The following SEMA5A variants were observed in gnomAD, a reference collection of about 807,000 sequenced individuals.
SEMA5A encodes semaphorin-5A.
SEMA5A carries 55 observed loss-of-function variants against 135.5 expected under a neutral mutation model. That is an observed-to-expected ratio of 0.41 (90% CI 0.33 to 0.51). The LOEUF is 0.51. SEMA5A is among the 20% of genes least tolerant of loss of function. SEMA5A has a pLI of 0.37. For missense variants in SEMA5A, 1,290 were observed against 1,419.9 expected, an observed-to-expected ratio of 0.91 and a Z score of 1.47; for synonymous variants, 580 against 546.5, an observed-to-expected ratio of 1.06 and a Z score of -0.85.
intron 16 of SEMA5A, among the ~76,000 whole-genome samples, chr5:9,090,616 T>G (rs530341899): frequency 6.6e-6 from 1 of 152,368 alleles, no homozygotes. Context: ...ATCTGAATGC[T>G]GCCAATGTGT....
chr5:9,244,398 A>G (rs1030878473), intron 5 of SEMA5A, among the ~76,000 whole-genome samples: 2 of 152,188 alleles, frequency 1.3e-5, no homozygotes, highest in Non-Finnish European at 2.9e-5. Context: ...CAAAGCAGAC[A>G]CATTCCCTAT....
chr5:9,362,344 C>T lies in SEMA5A; in HGVS notation c.124+17479G>A, dbSNP rs1327532725. Among the ~76,000 whole-genome samples the T allele has an allele frequency of 3.9e-5, 6 of 152,114 alleles. No individual in the cohort carries two copies. The East Asian group carries it at 9.7e-4, about 25-fold the overall frequency. On this transcript the variant is annotated intron_variant, in intron 3 of 22. Coordinates refer to ENST00000382496, the MANE Select transcript of SEMA5A (RefSeq NM_003966.3). The stretch of plus-strand genomic sequence containing the variant: ...AACTGTCCCTTTCTTGCTTTGGGGA[C>T]GCTATTTTTTAAATGCCATTATATG...
In SEMA5A at chr5:9,417,366, C is replaced by T. The variant is rs139360692; in HGVS notation, c.-78+20390G>A. 6.7e-3 allele frequency among the ~76,000 whole-genome samples: 1,023 copies of T among 152,264 alleles called. 12 individuals are homozygous for T. The highest frequency in any genetic ancestry group is 0.023 in the African/African-American group (971 of 41,538). On this transcript the variant is annotated intron_variant, in intron 2 of 22. Coordinates refer to ENST00000382496, the MANE Select transcript of SEMA5A (RefSeq NM_003966.3). ...ACCATATTTACGTGTGCACATTATC[C>T]ACTTTACTAACTTTTCTAAAATTTC...
intron 16 of SEMA5A, among the ~76,000 whole-genome samples, chr5:9,070,652 G>T (rs936963956): frequency 6.6e-6 from 1 of 152,194 alleles, no homozygotes; most frequent in East Asian, 1.9e-4. Context: ...GGTCCCAGAG[G>T]TGGGCACAGC....
chr5:9,073,127 C>G (rs1012109913), intron 16 of SEMA5A, among the ~76,000 whole-genome samples: 10 of 152,028 alleles, frequency 6.6e-5, no homozygotes, highest in African/African-American at 2.4e-4. Flanking sequence ...CAGACAAAGA[C>G]AGAAAGAAAG....
intron 3 of SEMA5A, among the ~76,000 whole-genome samples, chr5:9,368,938 T>C (rs1755023449): frequency 6.6e-6 from 1 of 152,254 alleles, no homozygotes; most frequent in Non-Finnish European, 1.5e-5. Context: ...GGACTTATTG[T>C]AAGTATATGT....
At chr5:9,308,203 G>A (rs936854813) in intron 5 of SEMA5A, among the ~76,000 whole-genome samples, 1 of 152,116 alleles carries the variant, frequency 6.6e-6, no homozygotes, top group Non-Finnish European at 1.5e-5. Flanking sequence ...TATGAAACAG[G>A]ACACTGTATC....
chr5:9,396,476 C>A (rs1036554842), intron 2 of SEMA5A, among the ~76,000 whole-genome samples: 1 of 152,080 alleles, frequency 6.6e-6, no homozygotes, highest in Non-Finnish European at 1.5e-5. Context: ...GTAAAGACAG[C>A]AAACAACACC....
intron 1 of SEMA5A, among the ~76,000 whole-genome samples, chr5:9,464,958 T>C (rs1759200603): frequency 6.6e-6 from 1 of 152,208 alleles, no homozygotes; most frequent in South Asian, 2.1e-4. Context: ...CTGTGGCTCG[T>C]GTTTCCTAGT....
chr5:9,200,605 G>C (rs1047158690), intron 9 of SEMA5A, among the ~76,000 whole-genome samples: 4 of 152,178 alleles, frequency 2.6e-5, no homozygotes, highest in Admixed American at 6.5e-5. Context: ...TGAAAATAAA[G>C]ATGGCCACGG....
chr5:9,269,776 A>G (rs558877925), intron 5 of SEMA5A, among the ~76,000 whole-genome samples: 5 of 152,142 alleles, frequency 3.3e-5, no homozygotes, highest in Non-Finnish European at 5.9e-5. Context: ...ATGAAATGTA[A>G]TAAATCTGCA....
chr5:9,223,420 C>A (rs1469426695), intron 8 of SEMA5A, among the ~76,000 whole-genome samples: 1 of 152,194 alleles, frequency 6.6e-6, no homozygotes, highest in African/African-American at 2.4e-5. Flanking sequence ...TAATTCCCCC[C>A]TCCCAGGGGG....
chr5:9,086,108 C>T (rs1738669911), intron 16 of SEMA5A, among the ~76,000 whole-genome samples: 1 of 152,182 alleles, frequency 6.6e-6, no homozygotes, highest in Non-Finnish European at 1.5e-5. Flanking sequence ...AACTAATTTC[C>T]TTTCAATTTT....
At chr5:9,469,472 G>A (rs1415666514) in intron 1 of SEMA5A, among the ~76,000 whole-genome samples, 2 of 152,158 alleles carry the variant, frequency 1.3e-5, no homozygotes, top group Non-Finnish European at 2.9e-5. Context: ...CTTCTATTAA[G>A]CAACCATAAA....
chr5:9,105,842 T>C (rs1739884913), intron 16 of SEMA5A, among the ~76,000 whole-genome samples: 1 of 152,246 alleles, frequency 6.6e-6, no homozygotes, highest in African/African-American at 2.4e-5. Context: ...GGACAAAGAT[T>C]TACGAACTGC....
chr5:9,221,891 T>C (rs932595751), intron 8 of SEMA5A, among the ~76,000 whole-genome samples: 1 of 151,878 alleles, frequency 6.6e-6, no homozygotes, highest in African/African-American at 2.4e-5. Context: ...GTGGGGGTAG[T>C]TGCAAGGGGA....
intron 1 of SEMA5A, among the ~76,000 whole-genome samples, chr5:9,512,633 G>C (rs918388820): frequency 3.8e-4 from 58 of 152,126 alleles, no homozygotes; most frequent in African/African-American, 1.2e-3. Context: ...TCTGCTGCAC[G>C]GTGTTGAGTA....
chr5:9,423,142 C>T (rs1311874385), intron 2 of SEMA5A, among the ~76,000 whole-genome samples: 1 of 152,122 alleles, frequency 6.6e-6, no homozygotes, highest in African/African-American at 2.4e-5. Flanking sequence ...AAAATTCAGG[C>T]TGAGGGCCAC....
chr5:9,319,591 G>C (rs1334379922), intron 4 of SEMA5A, among the ~76,000 whole-genome samples: 1 of 152,036 alleles, frequency 6.6e-6, no homozygotes, highest in African/African-American at 2.4e-5. Context: ...AGATGGGGCG[G>C]GGATGTGCAC....
Sources: allele counts gnomAD v4.1 joint callset (sites outside exome capture counted in the v4.1 genomes callset), GRCh38; gene constraint gnomAD v4.1.1; transcripts MANE v1.5; gene names NCBI Gene and HGNC (gene_info 2026-07-23, HGNC 2026-07-21).